Variants in PTCH1 observed in about 807,000 individuals in gnomAD.
The protein encoded by PTCH1 is protein patched homolog 1.
Under a neutral mutation model 144.6 loss-of-function variants are expected in PTCH1, and 14 were observed. That is an observed-to-expected ratio of 0.10 (90% CI 0.06 to 0.15). The LOEUF (loss-of-function observed/expected upper bound fraction) is 0.15. Ranked by LOEUF, PTCH1 falls within the 10% of genes least tolerant of loss-of-function variation. PTCH1 has a pLI of 1.00. For synonymous variants in PTCH1, 833 were observed against 793.6 expected, an observed-to-expected ratio of 1.05 and a Z score of -0.83; for missense variants, 1,623 against 1,948.3, an observed-to-expected ratio of 0.83 and a Z score of 3.14.
chr9:95,507,969 C>T (rs1241566723), intron 1 of PTCH1, 192 bp downstream of exon 1: 1 of 1,484,558 alleles, frequency 6.7e-7, no homozygotes, highest in African/African-American at 1.4e-5. Context: ...GCCCTTTCCT[C>T]CCAGGACCAG....
rs1052719412 is a variant in PTCH1 at position 95,509,132 on chromosome 9, C to T, written c.-771G>A. Among the ~76,000 whole-genome samples, 6 of 152,080 alleles carry T rather than the reference C, an allele frequency of 3.9e-5. No individual in the cohort carries two copies. Among genetic ancestry groups the T allele is most frequent in the African/African-American group, 2.4e-5 (1 of 41,418 alleles). Reference sequence around the variant, plus strand: ...AGCGCGCCTCTCTCGCTCCCGGGACCTGGGGACTCCGCTCTGTGTGTGTGC... The same window carrying T: ...AGCGCGCCTCTCTCGCTCCCGGGACTTGGGGACTCCGCTCTGTGTGTGTGC... On this transcript the variant is annotated 5_prime_UTR_variant, in exon 1 of 24. Coordinates refer to ENST00000331920, the MANE Select transcript of PTCH1 (RefSeq NM_000264.5).
At chr9:95,468,665 G>T (rs753199778) in intron 14 of PTCH1, 86 bp downstream of exon 14, 5 of 1,530,938 alleles carry the variant, frequency 3.3e-6, no homozygotes, top group Non-Finnish European at 4.5e-6. Context: ...TAAGGAAAAA[G>T]AAGAAAAGTA....
chr9:95,510,930 C>T (rs989662928), upstream of PTCH1, among the ~76,000 whole-genome samples: 5 of 150,528 alleles, frequency 3.3e-5, no homozygotes, highest in African/African-American at 4.9e-5. Flanking sequence ...TGCGCCGGGC[C>T]GGCTCCGGGC....
intron 2 of PTCH1, among the ~76,000 whole-genome samples, chr9:95,486,578 C>T (rs1296814850): frequency 6.6e-6 from 1 of 152,234 alleles, no homozygotes; most frequent in Non-Finnish European, 1.5e-5. Flanking sequence ...CCGGAAGCAC[C>T]CCAGGTGACC....
chr9:95,493,095 A>G (rs1369009706), intron 2 of PTCH1, among the ~76,000 whole-genome samples: 1 of 152,200 alleles, frequency 6.6e-6, no homozygotes, highest in Admixed American at 6.5e-5. Flanking sequence ...TTAACTTTCC[A>G]AAGTGAAGAA....
rs45504199 is a variant in PTCH1 at position 95,447,281 on chromosome 9, A to T, written c.3975T>A (p.Ile1325=). 1.9e-6 allele frequency: 3 copies of T among 1,612,898 alleles called. No homozygotes were observed. The East Asian group carries it at 6.7e-5, about 36-fold the overall frequency. The change falls in exon 23 of 24, where the codon ATT becomes ATA. Residue 1325 remains isoleucine (I), a synonymous_variant. Transcript: ENST00000331920. ...TAGGGCCAGAATGCCCTTCAGTAGA[A>T]ATTTCAAAAGCGTCTCTGCGCGGTC... ...PYRPRRDAFE[I]STEGHSGPSN... is the part of the protein sequence containing the mutation.
intron 2 of PTCH1, among the ~76,000 whole-genome samples, chr9:95,489,976 G>T (rs1015386857): frequency 2.0e-5 from 3 of 150,190 alleles, no homozygotes; most frequent in Admixed American, 2.0e-4. Flanking sequence ...AATTTTTTTT[G>T]TATTTTTAGT....
intron 2 of PTCH1, among the ~76,000 whole-genome samples, chr9:95,502,547 A>G (rs1451508715): frequency 6.6e-6 from 1 of 152,218 alleles, no homozygotes; most frequent in Non-Finnish European, 1.5e-5. Context: ...AAACCTCATT[A>G]CTCCGCACAT....
rs963079015 is a variant in PTCH1, at chr9:95,485,705, G to C, written c.564C>G (p.Val188=). The C allele has an allele frequency of 1.2e-6, 2 of 1,614,108 alleles. No individual in the cohort carries two copies. Among genetic ancestry groups the C allele is most frequent in the Admixed American group, 3.3e-5 (2 of 60,016 alleles). The change falls in exon 3 of 24, where the codon GTC becomes GTG. Residue 188 remains valine, a synonymous_variant. Coordinates refer to ENST00000331920, the MANE Select transcript of PTCH1 (RefSeq NM_000264.5). ...HLDSALQASR[V]HVYMYNRQWK... ...CTTACCTGTTGTACATGTATACATG[G>C]ACACGGCTGGCCTGGAGTGCCGAGT...
In PTCH1 at chr9:95,508,437, G is replaced by A. The variant is rs1226323069; in HGVS notation, c.-76C>T. The A allele has an allele frequency of 1.9e-6, 2 of 1,034,886 alleles. No homozygotes were observed. Among genetic ancestry groups the A allele is most frequent in the Admixed American group, 5.6e-5 (1 of 17,896 alleles). 64.1% of individuals were successfully genotyped at this position (1,034,886 alleles called of 1,614,324 possible). A position where few individuals can be genotyped will look rare whatever the true frequency, so the allele number is the denominator to read the frequency against. ...CCGGCGCGCTGCTGCCGCTGCTGCG[G>A]GCTCCTGGCGCGCCTGGGCGCTCGG... On this transcript the variant is annotated 5_prime_UTR_variant, in exon 1 of 24. Coordinates refer to ENST00000331920, the MANE Select transcript of PTCH1 (RefSeq NM_000264.5).
rs531218594 is a variant in PTCH1 at position 95,447,089 on chromosome 9, A to T, written c.4167T>A (p.Pro1389=). ...VAVHPPPVPG[P]GRNPRGGLCP... ...AGAGTCCCCCTCGGGGGTTCCGCCC[A>T]GGCCCAGGGACAGGCGGCGGGTGCA... The change falls in exon 23 of 24, where the codon CCT becomes CCA. Residue 1389 remains proline, a synonymous_variant. Transcript: ENST00000331920. The T allele has an allele frequency of 4.3e-6, 7 of 1,613,878 alleles. No homozygotes were observed. In the East Asian group the frequency reaches 1.6e-4, roughly 36 times the overall value.
intron 1 of PTCH1, chr9:95,507,418 C>G: frequency 1.0e-6 from 1 of 985,492 alleles, no homozygotes; most frequent in Non-Finnish European, 1.2e-6. Flanking sequence ...GCTCGCCTTC[C>G]CTGGATTCCA....
chr9:95,485,997 T>C, intron 2 of PTCH1, 123 bp from the exon 3 acceptor site: 1 of 1,055,326 alleles, frequency 9.5e-7, no homozygotes, highest in South Asian at 1.3e-5. Context: ...GACTGGCTGA[T>C]GTGTGAGCAG....
chr9:95,461,696 G>A (rs1031011540), intron 16 of PTCH1, among the ~76,000 whole-genome samples, 160 bp downstream of exon 16: 2 of 152,230 alleles, frequency 1.3e-5, no homozygotes, highest in Non-Finnish European at 2.9e-5. Context: ...TAGCTGGTGG[G>A]AGGAGGTGAA....
intron 2 of PTCH1, among the ~76,000 whole-genome samples, chr9:95,497,920 C>G (rs1324437822): frequency 7.0e-6 from 1 of 143,312 alleles, no homozygotes; most frequent in African/African-American, 2.6e-5. Context: ...TCCTCTCAAT[C>G]TCGCACTCTT....
At chr9:95,487,264 G>A (rs950474932) in intron 2 of PTCH1, among the ~76,000 whole-genome samples, 3 of 152,218 alleles carry the variant, frequency 2.0e-5, no homozygotes, top group Non-Finnish European at 4.4e-5. Flanking sequence ...AACATACTGC[G>A]TGTGGGGTCG....
At chr9:95,473,396 CCT>C (rs1158988108) in intron 12 of PTCH1, among the ~76,000 whole-genome samples, 1 of 152,092 alleles carries the variant, frequency 6.6e-6, no homozygotes, top group Non-Finnish European at 1.5e-5. Context: ...CAGAGTCAAA[CCT>C]GATACTGTTC....
At chr9:95,500,523 T>C (rs1843080974) in intron 2 of PTCH1, among the ~76,000 whole-genome samples, 1 of 152,212 alleles carries the variant, frequency 6.6e-6, no homozygotes, top group African/African-American at 2.4e-5. Context: ...TTTCTTCCTG[T>C]CCCTTGTGAA....
At chr9:95,506,292 G>T in intron 2 of PTCH1, 115 bp downstream of exon 2, 2 of 1,223,792 alleles carry the variant, frequency 1.6e-6, no homozygotes, top group Non-Finnish European at 1.1e-6. Flanking sequence ...CCCCGGGTGC[G>T]GGCAGGGGGT....
Sources: allele counts gnomAD v4.1 joint callset (sites outside exome capture counted in the v4.1 genomes callset), GRCh38; gene constraint gnomAD v4.1.1; transcripts MANE v1.5; gene names NCBI Gene and HGNC (gene_info 2026-07-23, HGNC 2026-07-21).